SNX29: variants seen among roughly 807,000 people sequenced by gnomAD.
The protein encoded by SNX29 is sorting nexin 29.
Under a neutral mutation model 102.1 loss-of-function variants are expected in SNX29, and 78 were observed. The observed-to-expected ratio is 0.76, with a 90% confidence interval of 0.64 to 0.92. The LOEUF is 0.92. Ranked by LOEUF, SNX29 falls within the 40% of genes least tolerant of loss-of-function variation. SNX29 has a pLI of 0.00. For missense variants in SNX29, 1,280 were observed against 1,061.7 expected (o/e 1.21, Z -2.86); for synonymous variants, 580 against 414.5 (o/e 1.40, Z -4.85).
chr16:12,223,240 A>G (rs1457461049), intron 14 of SNX29, among the ~76,000 whole-genome samples: 2 of 152,248 alleles, frequency 1.3e-5, no homozygotes, highest in East Asian at 3.9e-4. Flanking sequence ...TTATACTAGT[A>G]TTAGGCTGGG....
At chr16:12,556,124 G>A (rs566154202) in intron 20 of SNX29, among the ~76,000 whole-genome samples, 72 of 152,258 alleles carry the variant, frequency 4.7e-4, no homozygotes, top group African/African-American at 1.6e-3. Context: ...TTACTCTTAT[G>A]TTCTCAAAGT....
intron 13 of SNX29, among the ~76,000 whole-genome samples, chr16:12,174,930 TA>T (rs56227397): frequency 1.0e-4 from 15 of 148,980 alleles, no homozygotes; most frequent in Admixed American, 2.0e-4. Context: ...TTATTACTAT[TA>T]AAAAAAAAAC....
At position 12,573,391 on chromosome 16, in the gene SNX29, C is replaced by G. The variant is rs1356517141; in HGVS notation, c.*4762C>G. 8.9e-6 allele frequency: 2 copies of G among 223,980 alleles called. No homozygotes were observed. Among genetic ancestry groups the G allele is most frequent in the Non-Finnish European group, 1.8e-5 (2 of 112,420 alleles). 13.9% of individuals were successfully genotyped at this position (223,980 alleles called of 1,614,324 possible). A position where few individuals can be genotyped will look rare whatever the true frequency, so the allele number is the denominator to read the frequency against. ...CCAAGTTGCGTATCCTTCCTTATAGCTAGTTTCTATAGAGAAGTGAAAAAG... is the reference window on the plus strand; with the variant it reads ...CCAAGTTGCGTATCCTTCCTTATAGGTAGTTTCTATAGAGAAGTGAAAAAG... On this transcript the variant is annotated 3_prime_UTR_variant, in exon 21 of 21. Transcript: ENST00000566228.
Position 12,571,240 on chromosome 16 carries a change from C to G in SNX29, c.*2611C>G, listed in dbSNP as rs562607156. ...GTTCCCAGTTCCTGGAGTTATGGAG[C>G]AGAAACACCCAGGCCTAGCAGAATT... is the stretch of plus-strand genomic sequence containing the variant. On this transcript the variant is annotated 3_prime_UTR_variant, in exon 21 of 21. Coordinates refer to ENST00000566228, the MANE Select transcript of SNX29 (RefSeq NM_032167.5). 8.2e-5 allele frequency: 19 copies of G among 232,096 alleles called. 1 individual carries two copies. The South Asian group carries it at 3.4e-3, about 42-fold the overall frequency. 14.4% of individuals were successfully genotyped at this position (232,096 alleles called of 1,614,324 possible). A position where few individuals can be genotyped will look rare whatever the true frequency, so the allele number is the denominator to read the frequency against.
intron 14 of SNX29, among the ~76,000 whole-genome samples, chr16:12,200,710 C>G (rs536535783): frequency 6.6e-4 from 101 of 152,310 alleles, no homozygotes; most frequent in South Asian, 1.2e-3. Flanking sequence ...GTCTTGAACT[C>G]CTGACTCCAG....
rs2084918494 is a variant in SNX29, at chr16:12,422,695, C to G, written c.2037+19166C>G. 3.3e-5 allele frequency among the ~76,000 whole-genome samples: 5 copies of G among 152,126 alleles called. No individual in the cohort carries two copies. In the South Asian group the frequency reaches 1.0e-3, roughly 32 times the overall value. On this transcript the variant is annotated intron_variant, in intron 18 of 20. Coordinates refer to ENST00000566228, the MANE Select transcript of SNX29 (RefSeq NM_032167.5). ...TTATAATACCATCCTCAGGGACTTCCTGAGAACCCAATCAGCAAACTACAC... is the reference window on the plus strand; with the variant it reads ...TTATAATACCATCCTCAGGGACTTCGTGAGAACCCAATCAGCAAACTACAC...
Position 12,128,115 on chromosome 16 carries a change from A to G in SNX29, c.1466+1419A>G, listed in dbSNP as rs546881314. On this transcript the variant is annotated intron_variant, in intron 12 of 20. Coordinates refer to ENST00000566228, the MANE Select transcript of SNX29 (RefSeq NM_032167.5). ...AACATGATTTCTAAAACAAAAGAGG[A>G]TGTCTTCAAAAGGAATCTTTAGACC... 3.3e-5 allele frequency among the ~76,000 whole-genome samples: 5 copies of G among 152,308 alleles called. No individual in the cohort carries two copies. The East Asian group carries it at 9.7e-4, about 29-fold the overall frequency.
chr16:12,248,971 C>G (rs1412983092), intron 14 of SNX29, among the ~76,000 whole-genome samples: 1 of 152,076 alleles, frequency 6.6e-6, no homozygotes, highest in Non-Finnish European at 1.5e-5. Flanking sequence ...TGCATGAGTA[C>G]CTGGGAAGTG....
At chr16:12,545,429 A>T (rs1382381652) in intron 20 of SNX29, 3 of 152,360 alleles carry the variant, frequency 2.0e-5, no homozygotes, top group African/African-American at 7.2e-5. Context: ...CCCCACCCCT[A>T]GGATTGTTCC....
intron 11 of SNX29, among the ~76,000 whole-genome samples, chr16:12,123,899 C>T (rs750552457): frequency 1.3e-5 from 2 of 152,074 alleles, no homozygotes; most frequent in Non-Finnish European, 1.5e-5. Context: ...TGGGTGTGGC[C>T]GTGTTTGGGG....
intron 20 of SNX29, among the ~76,000 whole-genome samples, chr16:12,556,163 C>T (rs540780338): frequency 6.6e-4 from 100 of 152,242 alleles, no homozygotes; most frequent in African/African-American, 1.8e-3. Flanking sequence ...ATCGCTTTGT[C>T]GCCATGACAC....
chr16:12,314,396 C>T (rs777741087), intron 15 of SNX29, among the ~76,000 whole-genome samples: 5 of 152,224 alleles, frequency 3.3e-5, no homozygotes, highest in Non-Finnish European at 5.9e-5. Context: ...GTGGTGGTTG[C>T]GAGTGGACTC....
chr16:12,552,288 C>T (rs566180170), intron 20 of SNX29, among the ~76,000 whole-genome samples: 1 of 152,280 alleles, frequency 6.6e-6, no homozygotes, highest in South Asian at 2.1e-4. Flanking sequence ...AACTTCTGTG[C>T]CTCAGTTTCC....
chr16:12,488,031 T>C (rs979757080), intron 19 of SNX29, among the ~76,000 whole-genome samples: 2 of 152,188 alleles, frequency 1.3e-5, no homozygotes, highest in African/African-American at 2.4e-5. Context: ...CTTGGTGAGC[T>C]TCAGACTCAG....
chr16:12,087,460 G>C, intron 11 of SNX29: 1 of 206,032 alleles, frequency 4.9e-6, no homozygotes, highest in East Asian at 1.1e-4. Context: ...AGCTGGTCAT[G>C]GTGGCACATG....
At chr16:12,448,248 C>T (rs140458527) in intron 18 of SNX29, among the ~76,000 whole-genome samples, 44 of 152,322 alleles carry the variant, frequency 2.9e-4, no homozygotes, top group African/African-American at 1.0e-3. Context: ...TTCCAGCTGA[C>T]CACCTTTCCA....
Position 12,569,682 on chromosome 16 carries a change from A to C in SNX29, c.*1053A>C, listed in dbSNP as rs2079144545. On this transcript the variant is annotated 3_prime_UTR_variant, in exon 21 of 21. Transcript: ENST00000566228. ...CCATGTCAGGTGGCTCTCAGAGTACAGGGACCTTGGCAGGTGGAGAGGAGG... is the reference window on the plus strand; with the variant it reads ...CCATGTCAGGTGGCTCTCAGAGTACCGGGACCTTGGCAGGTGGAGAGGAGG... The C allele has an allele frequency of 4.3e-6, 1 of 230,012 alleles. No homozygotes were observed. The highest frequency in any genetic ancestry group is 1.8e-4 in the South Asian group (1 of 5,498). 14.2% of individuals were successfully genotyped at this position (230,012 alleles called of 1,614,324 possible).
intron 20 of SNX29, among the ~76,000 whole-genome samples, chr16:12,532,755 C>T (rs2076965905): frequency 6.6e-6 from 1 of 152,092 alleles, no homozygotes; most frequent in Non-Finnish European, 1.5e-5. Context: ...AAGCTGGGGA[C>T]AGGGCAGGAG....
intron 1 of SNX29, among the ~76,000 whole-genome samples, chr16:11,998,008 C>A (rs1001244414): frequency 6.6e-6 from 1 of 152,184 alleles, no homozygotes; most frequent in Non-Finnish European, 1.5e-5. Flanking sequence ...ATGCATAGTG[C>A]TTAGCTTGGT....
Sources: allele counts gnomAD v4.1 joint callset (sites outside exome capture counted in the v4.1 genomes callset), GRCh38; gene constraint gnomAD v4.1.1; transcripts MANE v1.5; gene names NCBI Gene and HGNC (gene_info 2026-07-23, HGNC 2026-07-21).